CSMD1: variants seen among roughly 807,000 people sequenced by gnomAD.
The protein encoded by CSMD1 is CUB and sushi domain-containing protein 1.
CSMD1 carries 213 observed loss-of-function variants against 417.5 expected under a neutral mutation model. The observed-to-expected ratio is 0.51, with a 90% CI of 0.46 to 0.57. The LOEUF is 0.57. Ranked by LOEUF, CSMD1 falls within the 20% of genes least tolerant of loss-of-function variation. The pLI is 0.00. For synonymous variants in CSMD1, 2,862 were observed against 1,736.8 expected, an observed-to-expected ratio of 1.65 and a Z score of -16.11; for missense variants, 6,923 against 4,529.7, an observed-to-expected ratio of 1.53 and a Z score of -15.17.
chr8:4,344,973 C>G (rs916545312), intron 3 of CSMD1, among the ~76,000 whole-genome samples: 6 of 151,578 alleles, frequency 4.0e-5, no homozygotes, highest in Non-Finnish European at 8.8e-5. Flanking sequence ...AATTTTCGGA[C>G]TGAAGAAAAC....
chr8:2,974,709 C>A (rs1585078406), intron 55 of CSMD1, 85 bp from the exon 56 acceptor site: 22 of 942,236 alleles, frequency 2.3e-5, no homozygotes, highest in Non-Finnish European at 2.8e-5. Context: ...GACACCCATA[C>A]TGACATCATG....
At chr8:3,117,805 A>G (rs1284375719) in intron 42 of CSMD1, among the ~76,000 whole-genome samples, 3 of 152,122 alleles carry the variant, frequency 2.0e-5, no homozygotes, top group African/African-American at 7.2e-5. Context: ...CTCTTGCACT[A>G]TTAAACCACT....
At chr8:3,355,267 C>G (rs1808705611) in intron 21 of CSMD1, among the ~76,000 whole-genome samples, 1 of 151,954 alleles carries the variant, frequency 6.6e-6, no homozygotes, top group African/African-American at 2.4e-5. Context: ...CTTTAACACC[C>G]TGAGAAAATT....
intron 8 of CSMD1, among the ~76,000 whole-genome samples, chr8:3,596,931 G>C (rs545834926): frequency 5.2e-4 from 79 of 152,290 alleles, no homozygotes; most frequent in Middle Eastern, 3.4e-3. Context: ...CAGTTTCCAA[G>C]TGCCCCTCTT....
chr8:3,263,440 G>T (rs1801222217), intron 26 of CSMD1, among the ~76,000 whole-genome samples: 1 of 152,074 alleles, frequency 6.6e-6, no homozygotes, highest in Non-Finnish European at 1.5e-5. Context: ...ATTCCCCTAT[G>T]TATATATGGA....
chr8:3,402,477 G>C (rs1338227555), intron 15 of CSMD1, among the ~76,000 whole-genome samples: 1 of 152,156 alleles, frequency 6.6e-6, no homozygotes, highest in Admixed American at 6.6e-5. Flanking sequence ...ATACGAGCCT[G>C]TTAGAAGCAG....
In CSMD1 at chr8:4,671,590, A is replaced by G. The variant is rs371451407; in HGVS notation, c.86-34032T>C. ...TCACCAGACACTTTGAATAGTCTCA[A>G]ACAACGTTATCTTCAACAGTTCCTC... On this transcript the variant is annotated intron_variant, in intron 1 of 69. Coordinates refer to ENST00000635120, the MANE Select transcript of CSMD1 (RefSeq NM_033225.6). 3.3e-5 allele frequency among the ~76,000 whole-genome samples: 5 copies of G among 152,340 alleles called. No homozygotes were observed. The East Asian group carries it at 5.8e-4, about 18-fold the overall frequency.
chr8:4,901,403 C>A (rs1269953657), intron 1 of CSMD1, among the ~76,000 whole-genome samples: 1 of 152,190 alleles, frequency 6.6e-6, no homozygotes, highest in Non-Finnish European at 1.5e-5. Context: ...CACTTGAAAG[C>A]AGCTCATTGC....
chr8:4,950,635 G>C (rs1400205903), intron 1 of CSMD1, among the ~76,000 whole-genome samples: 4 of 152,122 alleles, frequency 2.6e-5, no homozygotes, highest in Admixed American at 1.3e-4. Flanking sequence ...GGTAATATTT[G>C]TCATTGTTTT....
intron 1 of CSMD1, among the ~76,000 whole-genome samples, chr8:4,887,706 T>G (rs1255409353): frequency 1.3e-5 from 2 of 152,070 alleles, no homozygotes; most frequent in East Asian, 3.8e-4. Flanking sequence ...TTATTTGCTT[T>G]GTTGGTAGGT....
intron 3 of CSMD1, among the ~76,000 whole-genome samples, chr8:4,128,788 TG>T (rs1164010206): frequency 6.6e-6 from 1 of 152,188 alleles, no homozygotes; most frequent in Non-Finnish European, 1.5e-5. Flanking sequence ...TCATCCTTGC[TG>T]GATACTTATA....
At position 3,622,617 on chromosome 8, in the gene CSMD1, GC is replaced by G. The variant is rs550776700; in HGVS notation, c.1010-5821del. Among the ~76,000 whole-genome samples the G allele has an allele frequency of 3.6e-4, 55 of 152,314 alleles. 1 individual carries two copies. The South Asian group carries it at 0.011, about 29-fold the overall frequency. ...TGAAGGCGCAAAATGATTTAGACAA[GC>G]CTGAATGGATTGCAGATGGTAGAAG... On this transcript the variant is annotated intron_variant, in intron 7 of 69. Coordinates refer to ENST00000635120, the MANE Select transcript of CSMD1 (RefSeq NM_033225.6).
chr8:4,030,403 C>A (rs972712595), intron 4 of CSMD1, among the ~76,000 whole-genome samples: 1 of 152,200 alleles, frequency 6.6e-6, no homozygotes. Flanking sequence ...TTCGCAGGCT[C>A]AACACCACAT....
chr8:3,284,894 T>A (rs1314860870), intron 25 of CSMD1, among the ~76,000 whole-genome samples: 1 of 152,188 alleles, frequency 6.6e-6, no homozygotes, highest in Non-Finnish European at 1.5e-5. Flanking sequence ...TCATTTAAAA[T>A]ACCAACAGAA....
At chr8:4,863,090 G>A (rs915662214) in intron 1 of CSMD1, among the ~76,000 whole-genome samples, 3 of 151,942 alleles carry the variant, frequency 2.0e-5, no homozygotes, top group African/African-American at 7.3e-5. Context: ...TATAGTAGCC[G>A]GAAAGCTCAG....
intron 50 of CSMD1, among the ~76,000 whole-genome samples, chr8:3,041,641 C>G (rs1811107342): frequency 1.3e-5 from 2 of 152,206 alleles, no homozygotes; most frequent in African/African-American, 2.4e-5. Flanking sequence ...AAAACTCATA[C>G]ATAGATAGAA....
intron 5 of CSMD1, among the ~76,000 whole-genome samples, chr8:3,918,866 G>A (rs772347026): frequency 9.2e-5 from 14 of 151,960 alleles, no homozygotes; most frequent in Admixed American, 3.9e-4. Flanking sequence ...ATGGACTTTG[G>A]GGACTTGTGG....
intron 3 of CSMD1, among the ~76,000 whole-genome samples, chr8:4,295,579 CTTA>C (rs1391092221): frequency 1.4e-5 from 2 of 140,650 alleles, no homozygotes; most frequent in Non-Finnish European, 3.1e-5. Flanking sequence ...TTTTTAAGGG[CTTA>C]TTAAGGGCTT....
chr8:4,442,665 G>A (rs923415448), intron 2 of CSMD1, among the ~76,000 whole-genome samples: 1 of 152,102 alleles, frequency 6.6e-6, no homozygotes, highest in Non-Finnish European at 1.5e-5. Flanking sequence ...AAACTTCATT[G>A]ACTTTCCCTT....
Sources: allele counts gnomAD v4.1 joint callset (sites outside exome capture counted in the v4.1 genomes callset), GRCh38; gene constraint gnomAD v4.1.1; transcripts MANE v1.5; gene names NCBI Gene and HGNC (gene_info 2026-07-23, HGNC 2026-07-21).